PTPRR: variants seen among roughly 807,000 people sequenced by gnomAD.
PTPRR encodes the protein receptor-type tyrosine-protein phosphatase R.
Under a neutral mutation model 77.2 loss-of-function variants are expected in PTPRR, and 38 were observed. The ratio of observed to expected loss-of-function variants is 0.49; its 90% confidence interval spans 0.38 to 0.65. PTPRR has a LOEUF of 0.65. Ranked by LOEUF, PTPRR falls within the 30% of genes least tolerant of loss-of-function variation. The probability of loss-of-function intolerance (pLI) is 0.00; values close to 1 mark genes in which losing one functional copy is unlikely to be tolerated. For synonymous variants in PTPRR, 299 were observed against 283.1 expected (o/e 1.06, Z -0.57); for missense variants, 744 against 799.2 (o/e 0.93, Z 0.83).
chr12:70,798,888 T>A (rs531546581), intron 2 of PTPRR, among the ~76,000 whole-genome samples: 1 of 152,156 alleles, frequency 6.6e-6, no homozygotes, highest in African/African-American at 2.4e-5. Context: ...CCACTTTGCC[T>A]TGTTTAACCC....
intron 2 of PTPRR, among the ~76,000 whole-genome samples, chr12:70,820,200 T>C (rs114584630): frequency 6.2e-4 from 94 of 152,338 alleles, no homozygotes; most frequent in African/African-American, 2.2e-3. Flanking sequence ...AAATAATCAC[T>C]AGACACCACT....
Position 70,820,655 on chromosome 12 carries a change from A to G in PTPRR, c.358-55877T>C, listed in dbSNP as rs75461180. Among the ~76,000 whole-genome samples the G allele has an allele frequency of 9.9e-3, 1,501 of 152,268 alleles. 8 individuals carry two copies. Among genetic ancestry groups the G allele is most frequent in the Non-Finnish European group, 0.015 (1,012 of 68,024 alleles). Reference sequence around the variant, plus strand: ...GCCACTGTTTTTTCAATGAGGTCTCATCCTTGGGCTCTGCCTTTGGCCAGG... The same window carrying G: ...GCCACTGTTTTTTCAATGAGGTCTCGTCCTTGGGCTCTGCCTTTGGCCAGG... On this transcript the variant is annotated intron_variant, in intron 2 of 13. Coordinates refer to ENST00000283228, the MANE Select transcript of PTPRR (RefSeq NM_002849.4).
intron 5 of PTPRR, among the ~76,000 whole-genome samples, chr12:70,749,189 A>C (rs1407904292): frequency 6.6e-6 from 1 of 152,180 alleles, no homozygotes; most frequent in Non-Finnish European, 1.5e-5. Flanking sequence ...CAACAACCAC[A>C]GTTTGACTCC....
intron 6 of PTPRR, among the ~76,000 whole-genome samples, chr12:70,711,668 A>G (rs1888833473): frequency 6.6e-6 from 1 of 152,120 alleles, no homozygotes; most frequent in African/African-American, 2.4e-5. Flanking sequence ...ATTTGTTTTT[A>G]GTCATTGGAA....
intron 2 of PTPRR, among the ~76,000 whole-genome samples, chr12:70,768,598 C>T (rs11524079): frequency 0.066 from 10,093 of 152,226 alleles, 363 homozygotes; most frequent in Middle Eastern, 0.099. Context: ...GAACTGGTAC[C>T]ATTCCTTCTG....
At chr12:70,908,150 C>T (rs1030811653) in intron 1 of PTPRR, among the ~76,000 whole-genome samples, 2 of 152,118 alleles carry the variant, frequency 1.3e-5, no homozygotes, top group African/African-American at 2.4e-5. Context: ...AAAAAAGTGT[C>T]TGTTTTAAGA....
At chr12:70,904,874 G>A (rs780371320) in intron 1 of PTPRR, among the ~76,000 whole-genome samples, 2 of 151,828 alleles carry the variant, frequency 1.3e-5, no homozygotes, top group Middle Eastern at 6.8e-3. Context: ...AACAAAATAA[G>A]TGGAAAAATC....
intron 2 of PTPRR, among the ~76,000 whole-genome samples, chr12:70,865,241 T>C (rs781480380): frequency 9.6e-6 from 1 of 104,114 alleles, no homozygotes; most frequent in South Asian, 2.7e-4. Flanking sequence ...TACGTGGAAC[T>C]GTGAGTCCAT....
At chr12:70,854,806 T>C (rs1892625776) in intron 2 of PTPRR, among the ~76,000 whole-genome samples, 1 of 152,218 alleles carries the variant, frequency 6.6e-6, no homozygotes, top group African/African-American at 2.4e-5. Flanking sequence ...TAGGAAGAGT[T>C]GTTTACCTGT....
intron 13 of PTPRR, among the ~76,000 whole-genome samples, chr12:70,651,775 T>A (rs1198043932): frequency 6.6e-6 from 1 of 152,148 alleles, no homozygotes; most frequent in Non-Finnish European, 1.5e-5. Context: ...ATAAGATTGA[T>A]AAAGATCAGA....
chr12:70,729,088 G>A (rs906315585), intron 6 of PTPRR, among the ~76,000 whole-genome samples: 3 of 152,042 alleles, frequency 2.0e-5, no homozygotes, highest in African/African-American at 7.2e-5. Flanking sequence ...GGACCAGGGA[G>A]ACTGAGATTA....
At chr12:70,906,696 T>C (rs1387012430) in intron 1 of PTPRR, among the ~76,000 whole-genome samples, 1 of 152,178 alleles carries the variant, frequency 6.6e-6, no homozygotes, top group Non-Finnish European at 1.5e-5. Context: ...TATATGCATA[T>C]GTATGTATAT....
intron 4 of PTPRR, among the ~76,000 whole-genome samples, chr12:70,758,031 T>C (rs1261768303): frequency 1.3e-5 from 2 of 152,194 alleles, no homozygotes; most frequent in Non-Finnish European, 2.9e-5. Flanking sequence ...TCCCTGTTTC[T>C]GCATTTAGAG....
intron 1 of PTPRR, among the ~76,000 whole-genome samples, chr12:70,920,090 A>T (rs1190201187): frequency 6.6e-6 from 1 of 152,126 alleles, no homozygotes; most frequent in African/African-American, 2.4e-5. Flanking sequence ...CTGTATTCAT[A>T]TTGAAAATGT....
chr12:70,822,249 A>G (rs911220846), intron 2 of PTPRR, among the ~76,000 whole-genome samples: 2 of 152,176 alleles, frequency 1.3e-5, no homozygotes, highest in African/African-American at 2.4e-5. Flanking sequence ...GGAATTATCA[A>G]TTGGAATCCA....
chr12:70,766,677 C>T (rs1207735091), intron 2 of PTPRR, among the ~76,000 whole-genome samples: 1 of 151,194 alleles, frequency 6.6e-6, no homozygotes, highest in Non-Finnish European at 1.5e-5. Flanking sequence ...CACAAAGATA[C>T]TCCTCGAGAA....
At chr12:70,800,782 C>T (rs1414440709) in intron 2 of PTPRR, among the ~76,000 whole-genome samples, 1 of 151,870 alleles carries the variant, frequency 6.6e-6, no homozygotes, top group African/African-American at 2.4e-5. Context: ...GTAATCTCAG[C>T]TATTCAGGAG....
intron 6 of PTPRR, among the ~76,000 whole-genome samples, chr12:70,704,620 T>A (rs540048266): frequency 6.6e-6 from 1 of 152,242 alleles, no homozygotes; most frequent in South Asian, 2.1e-4. Context: ...AAGGATTCTG[T>A]GGTAAGCAGA....
At chr12:70,701,912 G>A (rs1305774604) in intron 6 of PTPRR, among the ~76,000 whole-genome samples, 1 of 152,150 alleles carries the variant, frequency 6.6e-6, no homozygotes, top group Non-Finnish European at 1.5e-5. Flanking sequence ...GGTTGAGGCT[G>A]CAGTGAGCCG....
Sources: allele counts gnomAD v4.1 joint callset (sites outside exome capture counted in the v4.1 genomes callset), GRCh38; gene constraint gnomAD v4.1.1; transcripts MANE v1.5; gene names NCBI Gene and HGNC (gene_info 2026-07-23, HGNC 2026-07-21).